Variants in FAM227B observed in about 807,000 individuals in gnomAD.
FAM227B encodes protein FAM227B.
A neutral mutation model predicts 73.8 loss-of-function variants in FAM227B; 88 were observed. The ratio of observed to expected loss-of-function variants is 1.19; its 90% CI spans 1.00 to 1.42. FAM227B has a LOEUF of 1.42. Ranked by LOEUF, FAM227B falls within the 40% of genes most tolerant of loss-of-function variation. The pLI, the probability that FAM227B is intolerant of heterozygous loss-of-function variation, is 0.00. For missense variants in FAM227B, 632 were observed against 590.9 expected (o/e 1.07, Z -0.72); for synonymous variants, 210 against 190.5 (o/e 1.10, Z -0.84).
chr15:49,574,354 T>G (rs191911543), intron 8 of FAM227B, among the ~76,000 whole-genome samples: 2 of 152,254 alleles, frequency 1.3e-5, no homozygotes, highest in East Asian at 3.9e-4. Flanking sequence ...AATCCCCACA[T>G]GTCGAGGGAG....
chr15:49,404,700 C>CTTGGTTCT (rs946379705), intron 11 of FAM227B, among the ~76,000 whole-genome samples: 1 of 151,750 alleles, frequency 6.6e-6, no homozygotes, highest in Non-Finnish European at 1.5e-5. Flanking sequence ...ACCAATGGGT[C>CTTGGTTCT]TTGGTTCTTT....
intron 2 of FAM227B, among the ~76,000 whole-genome samples, chr15:49,614,519 T>G (rs904690124): frequency 2.0e-5 from 3 of 152,190 alleles, no homozygotes; most frequent in Admixed American, 1.3e-4. Flanking sequence ...TGTAAACCCA[T>G]GAAGCTAAAA....
At chr15:49,454,574 G>C (rs2053090088) in intron 11 of FAM227B, among the ~76,000 whole-genome samples, 1 of 151,996 alleles carries the variant, frequency 6.6e-6, no homozygotes, top group African/African-American at 2.4e-5. Flanking sequence ...CCAAGATCTA[G>C]ATATTCCCCA....
At chr15:49,522,791 G>A (rs924296170) in intron 10 of FAM227B, among the ~76,000 whole-genome samples, 4 of 152,156 alleles carry the variant, frequency 2.6e-5, no homozygotes, top group African/African-American at 4.8e-5. Context: ...ATGGGATTAC[G>A]TAAAGCAACC....
intron 5 of FAM227B, among the ~76,000 whole-genome samples, chr15:49,583,298 T>C (rs1192388015): frequency 3.3e-5 from 5 of 150,874 alleles, no homozygotes; most frequent in African/African-American, 1.2e-4. Flanking sequence ...GATAAGGGAA[T>C]AGGAGGTCAG....
intron 15 of FAM227B, chr15:49,329,811 A>G: frequency 1.1e-6 from 1 of 892,098 alleles, no homozygotes. Context: ...CAGTGTAAAA[A>G]AAAAAAAAAA....
intron 11 of FAM227B, among the ~76,000 whole-genome samples, chr15:49,454,996 G>C (rs915827020): frequency 1.3e-5 from 2 of 152,142 alleles, no homozygotes; most frequent in Non-Finnish European, 2.9e-5. Context: ...AGGTGGGATG[G>C]AAAACAGGTA....
chr15:49,549,587 C>G lies in FAM227B; in HGVS notation c.748-7781G>C, dbSNP rs1438733148. On this transcript the variant is annotated intron_variant, in intron 9 of 15. Transcript: ENST00000299338. ...TTAACAAAGCACATCTTGCACCGCCCTTAATCCATTTAACCCTGAGTGGAC... is the reference window on the plus strand; with the variant it reads ...TTAACAAAGCACATCTTGCACCGCCGTTAATCCATTTAACCCTGAGTGGAC... Among the ~76,000 whole-genome samples, 13 of 151,874 alleles carry G rather than the reference C, an allele frequency of 8.6e-5. 1 individual carries two copies. The highest frequency in any genetic ancestry group is 1.9e-4 in the Non-Finnish European group (13 of 67,964).
Position 49,589,793 on chromosome 15 carries a change from C to T in FAM227B, c.320G>A (p.Ser107Asn), listed in dbSNP as rs776375634. ...NHTSEIFKWK[S>N]MISETSSYRK... Reference sequence around the variant, plus strand: ...AGGCTCACTTGTCTCAGAAATCATGCTTTTCCACTTAAATATTTCAGAGGT... The same window carrying T: ...AGGCTCACTTGTCTCAGAAATCATGTTTTTCCACTTAAATATTTCAGAGGT... Residue 107 changes from serine (S) to asparagine (N), a missense_variant, in exon 4 of 16, where the codon AGC (serine) becomes AAC (asparagine). By Grantham distance (46) the Ser-to-Asn change is conservative. Transcript: ENST00000299338. The T allele has an allele frequency of 4.4e-6, 7 of 1,577,974 alleles. No individual in the cohort carries two copies. The highest frequency in any genetic ancestry group is 1.7e-4 in the Middle Eastern group (1 of 5,982).
chr15:49,474,710 T>C (rs539038460), intron 11 of FAM227B, among the ~76,000 whole-genome samples: 1 of 152,288 alleles, frequency 6.6e-6, no homozygotes, highest in East Asian at 1.9e-4. Context: ...GGAGATGAGC[T>C]GCGGGTGAGC....
At chr15:49,404,383 G>A (rs2048372515) in intron 11 of FAM227B, among the ~76,000 whole-genome samples, 1 of 152,134 alleles carries the variant, frequency 6.6e-6, no homozygotes, top group African/African-American at 2.4e-5. Flanking sequence ...CACTATTACT[G>A]TATGAGAGTC....
At chr15:49,406,175 G>A (rs918338141) in intron 11 of FAM227B, among the ~76,000 whole-genome samples, 1 of 152,136 alleles carries the variant, frequency 6.6e-6, no homozygotes, top group African/African-American at 2.4e-5. Flanking sequence ...GGGTGGTGTC[G>A]GTCAAAGCTT....
intron 10 of FAM227B, among the ~76,000 whole-genome samples, chr15:49,540,636 A>G (rs1173610914): frequency 1.3e-5 from 2 of 152,182 alleles, no homozygotes; most frequent in Non-Finnish European, 2.9e-5. Flanking sequence ...TTTAACCTTA[A>G]TTACTTATTT....
intron 11 of FAM227B, chr15:49,395,867 C>T (rs867026241): frequency 2.2e-6 from 1 of 449,388 alleles, no homozygotes; most frequent in Middle Eastern, 3.4e-4. Flanking sequence ...AATTGAATCT[C>T]TCTAAATTTT....
In FAM227B at chr15:49,539,733, C is replaced by T. The variant is rs140243728; in HGVS notation, c.874+1947G>A. Among the ~76,000 whole-genome samples the T allele has an allele frequency of 2.4e-3, 371 of 152,258 alleles. 1 individual carries two copies. The highest frequency in any genetic ancestry group is 0.012 in the South Asian group (57 of 4,816). On this transcript the variant is annotated intron_variant, in intron 10 of 15. Transcript: ENST00000299338. ...GGGCATGTGCAAATTTACTGTTGCT[C>T]TAGAGTCCACAATGCAGATGCAGAT... is the stretch of plus-strand genomic sequence containing the variant.
chr15:49,391,102 T>C (rs1311170735), intron 11 of FAM227B, among the ~76,000 whole-genome samples: 1 of 152,162 alleles, frequency 6.6e-6, no homozygotes, highest in African/African-American at 2.4e-5. Flanking sequence ...TATATTCAAA[T>C]TATGTCCTTT....
chr15:49,398,125 T>C (rs938523816), intron 11 of FAM227B, among the ~76,000 whole-genome samples: 5 of 152,016 alleles, frequency 3.3e-5, no homozygotes, highest in Non-Finnish European at 5.9e-5. Context: ...GAGACACACA[T>C]AGGCTCAAAA....
At chr15:49,448,034 C>A (rs1157481881) in intron 11 of FAM227B, among the ~76,000 whole-genome samples, 1 of 151,484 alleles carries the variant, frequency 6.6e-6, no homozygotes, top group Non-Finnish European at 1.5e-5. Flanking sequence ...ATTTTAATGT[C>A]CGAGAGCATA....
At chr15:49,618,634 G>A (rs1296675918) in intron 1 of FAM227B, among the ~76,000 whole-genome samples, 1 of 152,214 alleles carries the variant, frequency 6.6e-6, no homozygotes, top group East Asian at 1.9e-4. Flanking sequence ...CAAGAAGAGT[G>A]TATGAGGTAG....
Sources: allele counts gnomAD v4.1 joint callset (sites outside exome capture counted in the v4.1 genomes callset), GRCh38; gene constraint gnomAD v4.1.1; transcripts MANE v1.5; gene names NCBI Gene and HGNC (gene_info 2026-07-23, HGNC 2026-07-21).